Variants in TOP2B observed in about 807,000 individuals in gnomAD.
TOP2B encodes DNA topoisomerase II beta, also known as DNA topoisomerase 2-beta.
In TOP2B, 51 loss-of-function variants were observed where a neutral mutation model predicts 193.5. That is an observed-to-expected ratio of 0.26 (90% CI 0.21 to 0.33). The LOEUF (loss-of-function observed/expected upper bound fraction) is 0.33. TOP2B is among the 10% of genes least tolerant of loss of function. The pLI is 1.00. For synonymous variants in TOP2B, 634 were observed against 635.7 expected (o/e 1.00, Z 0.04); for missense variants, 1,378 against 1,909.3 (o/e 0.72, Z 5.19).
chr3:25,613,380 T>G (rs1292519019), intron 27 of TOP2B, among the ~76,000 whole-genome samples: 1 of 152,234 alleles, frequency 6.6e-6, no homozygotes, highest in Non-Finnish European at 1.5e-5. Context: ...ACCCAAGCTT[T>G]GAAATCAGAT....
intron 18 of TOP2B, 163 bp from the exon 19 acceptor site, chr3:25,624,966 T>C (rs1702754586): frequency 3.0e-6 from 2 of 667,456 alleles, no homozygotes; most frequent in Admixed American, 3.2e-5. Context: ...GTTTTGTTTG[T>C]TTGTTTTTTC....
chr3:25,599,647 G>A, intron 34 of TOP2B, 118 bp from the exon 35 acceptor site: 1 of 889,574 alleles, frequency 1.1e-6, no homozygotes, highest in South Asian at 1.8e-5. Context: ...TTGCAGTCCT[G>A]ATCTCTTACT....
At chr3:25,662,693 T>A (rs1703952925) in intron 1 of TOP2B, among the ~76,000 whole-genome samples, 1 of 152,246 alleles carries the variant, frequency 6.6e-6, no homozygotes, top group African/African-American at 2.4e-5. Flanking sequence ...CAAAATTATA[T>A]AACAGTTAAT....
At chr3:25,643,372 A>G (rs1703317623) in intron 3 of TOP2B, among the ~76,000 whole-genome samples, 1 of 152,228 alleles carries the variant, frequency 6.6e-6, no homozygotes, top group African/African-American at 2.4e-5. Context: ...AGTCCCTGTC[A>G]TCTCCATATT....
chr3:25,618,384 G>C (rs758305586), intron 25 of TOP2B, 34 bp downstream of exon 25: 11 of 1,527,372 alleles, frequency 7.2e-6, no homozygotes, highest in Non-Finnish European at 9.0e-6. Flanking sequence ...GCTTTTAAAA[G>C]CTTCTCTGAA....
intron 1 of TOP2B, among the ~76,000 whole-genome samples, chr3:25,655,494 A>G (rs1291499839): frequency 6.6e-6 from 1 of 152,222 alleles, no homozygotes; most frequent in African/African-American, 2.4e-5. Context: ...AAAATTAAAA[A>G]TAGAATTACT....
chr3:25,620,660 C>T, intron 22 of TOP2B, 22 bp downstream of exon 22: 1 of 1,604,472 alleles, frequency 6.2e-7, no homozygotes, highest in Non-Finnish European at 8.5e-7. Flanking sequence ...TTCCCTCAGG[C>T]AGATCACATA....
At chr3:25,616,186 G>GCC (rs1702498754) in intron 25 of TOP2B, among the ~76,000 whole-genome samples, 1 of 151,606 alleles carries the variant, frequency 6.6e-6, no homozygotes, top group African/African-American at 2.4e-5. Context: ...TATTCATCAG[G>GCC]CCCTTGTCTA....
chr3:25,635,886 TTC>T (rs769115909), intron 7 of TOP2B, 48 bp downstream of exon 7: 3 of 1,502,714 alleles, frequency 2.0e-6, no homozygotes, highest in Non-Finnish European at 1.8e-6. Flanking sequence ...CCCAACAATA[TTC>T]TCTCTATAAA....
intron 33 of TOP2B, among the ~76,000 whole-genome samples, chr3:25,602,063 G>C (rs1283573199): frequency 1.3e-5 from 2 of 152,082 alleles, no homozygotes; most frequent in African/African-American, 2.4e-5. Context: ...TTGAAAAATA[G>C]ACCTTGTTTT....
rs1559502567 is a variant in TOP2B at position 25,634,789 on chromosome 3, A to AAAAAC, written c.853-776_853-775insGTTTT. On this transcript the variant is annotated intron_variant, in intron 7 of 35. Transcript: ENST00000264331. ...TCTATCTCCCTTACCAAAAAAAAAA[A>AAAAAC]AAAAAAAACCAAAAAAAGGCTTATT... Among the ~76,000 whole-genome samples, 190 of 143,980 alleles carry AAAAAC rather than the reference A, an allele frequency of 1.3e-3. 2 individuals are homozygous for AAAAAC. Among genetic ancestry groups the AAAAAC allele is most frequent in the African/African-American group, 4.3e-3 (168 of 38,776 alleles). 94.5% of individuals were successfully genotyped at this position (143,980 alleles called of 152,430 possible).
At chr3:25,662,280 G>A (rs999555753) in intron 1 of TOP2B, among the ~76,000 whole-genome samples, 5 of 152,154 alleles carry the variant, frequency 3.3e-5, no homozygotes, top group African/African-American at 7.2e-5. Flanking sequence ...ACATCAGCCT[G>A]ACGTCAAAGC....
intron 25 of TOP2B, among the ~76,000 whole-genome samples, chr3:25,617,079 C>T (rs1702523319): frequency 6.6e-6 from 1 of 152,022 alleles, no homozygotes; most frequent in Non-Finnish European, 1.5e-5. Context: ...TGAAAAAATT[C>T]TGATGGTGGT....
intron 18 of TOP2B, 128 bp downstream of exon 18, chr3:25,626,432 T>C (rs1278238927): frequency 6.3e-6 from 3 of 473,050 alleles, no homozygotes; most frequent in Admixed American, 4.3e-5. Context: ...TAAATTCCTC[T>C]GAATAAGCTC....
At chr3:25,631,509 A>G (rs1305249368) in intron 10 of TOP2B, among the ~76,000 whole-genome samples, 3 of 152,090 alleles carry the variant, frequency 2.0e-5, no homozygotes, top group Non-Finnish European at 4.4e-5. Context: ...AGAAAAAGGA[A>G]AAGAAAGTTA....
At chr3:25,612,739 A>T (rs377307490) in intron 27 of TOP2B, 30 bp from the exon 28 acceptor site, 34 of 1,544,952 alleles carry the variant, frequency 2.2e-5, no homozygotes, top group Non-Finnish European at 2.8e-5. Flanking sequence ...CAGAAGGAAC[A>T]TAAACAACTT....
At chr3:25,622,787 C>T (rs1046630545) in intron 21 of TOP2B, among the ~76,000 whole-genome samples, 1 of 152,024 alleles carries the variant, frequency 6.6e-6, no homozygotes, top group Non-Finnish European at 1.5e-5. Flanking sequence ...ATTACAGGTG[C>T]CCTCCAGCAC....
intron 9 of TOP2B, 36 bp from the exon 10 acceptor site, chr3:25,632,619 G>A (rs907366189): frequency 6.3e-6 from 10 of 1,597,550 alleles, no homozygotes; most frequent in Non-Finnish European, 7.7e-6. Flanking sequence ...CAATATCAGA[G>A]CTGATATTTA....
rs1702910054 is a variant in TOP2B, at chr3:25,629,900, T to C, written c.1689+129A>G. Reference sequence around the variant, plus strand: ...GTTTCCACTAAATGACGTGGTTTTTTCATTTTTTCCTCCTGATGTATAATC... The same window carrying C: ...GTTTCCACTAAATGACGTGGTTTTTCCATTTTTTCCTCCTGATGTATAATC... On this transcript the variant is annotated intron_variant, in intron 13 of 35. Coordinates refer to ENST00000264331, the MANE Select transcript of TOP2B (RefSeq NM_001330700.2). The C allele has an allele frequency of 2.9e-6, 3 of 1,030,362 alleles. No individual in the cohort carries two copies. In the East Asian group the frequency reaches 8.1e-5, roughly 28 times the overall value. 63.8% of individuals were successfully genotyped at this position (1,030,362 alleles called of 1,614,324 possible).
Sources: gnomAD v4.1 joint callset for allele counts (sites outside exome capture counted in the v4.1 genomes callset) on GRCh38, gnomAD v4.1.1 for gene constraint, MANE v1.5 for transcripts, NCBI Gene and HGNC (gene_info 2026-07-23, HGNC 2026-07-21) for gene names.